LYST: variants seen among roughly 807,000 people sequenced by gnomAD.
LYST encodes lysosomal-trafficking regulator.
Under a neutral mutation model 413.6 loss-of-function variants are expected in LYST, and 192 were observed. The ratio of observed to expected loss-of-function variants is 0.46; its 90% CI spans 0.41 to 0.52. The LOEUF (loss-of-function observed/expected upper bound fraction) is 0.52. LYST is among the 20% of genes least tolerant of loss of function. LYST has a pLI of 0.00. For synonymous variants in LYST, 1,525 were observed against 1,567.3 expected, an observed-to-expected ratio of 0.97 and a Z score of 0.64; for missense variants, 3,815 against 4,499.9, an observed-to-expected ratio of 0.85 and a Z score of 4.35.
At chr1:235,681,540 C>A (rs1434060897) in intron 48 of LYST, among the ~76,000 whole-genome samples, 2 of 152,134 alleles carry the variant, frequency 1.3e-5, no homozygotes, top group African/African-American at 4.8e-5. Context: ...GGACATGAGA[C>A]TGGTGGCCAG....
At chr1:235,864,557 T>A (rs537988667) in intron 1 of LYST, among the ~76,000 whole-genome samples, 2 of 152,304 alleles carry the variant, frequency 1.3e-5, no homozygotes, top group Admixed American at 6.5e-5. Context: ...CGGATTGGTA[T>A]CCCAGCTTCT....
At chr1:235,676,974 CA>C in intron 50 of LYST, 116 bp downstream of exon 50, 2 of 767,638 alleles carry the variant, frequency 2.6e-6, no homozygotes, top group Non-Finnish European at 4.8e-6. Context: ...ATGCTGTTAC[CA>C]AAGTATTTAG....
chr1:235,799,089 T>C (rs143063208), intron 10 of LYST, among the ~76,000 whole-genome samples: 3 of 152,172 alleles, frequency 2.0e-5, no homozygotes, highest in Non-Finnish European at 4.4e-5. Flanking sequence ...AAGGGTTCAC[T>C]AAGTGTCTAG....
intron 1 of LYST, among the ~76,000 whole-genome samples, chr1:235,862,848 C>CACA (rs36022107): frequency 2.0e-5 from 3 of 146,392 alleles, no homozygotes; most frequent in Non-Finnish European, 4.5e-5. Flanking sequence ...CACACACACA[C>CACA]CCCTTCAAGA....
intron 10 of LYST, 31 bp downstream of exon 10, chr1:235,800,289 A>G: frequency 7.5e-7 from 1 of 1,338,626 alleles, no homozygotes; most frequent in Non-Finnish European, 1.1e-6. Flanking sequence ...AAATAATTTC[A>G]GAGCTATTGT....
intron 52 of LYST, 106 bp from the exon 53 acceptor site, chr1:235,663,184 G>T: frequency 2.6e-6 from 2 of 779,378 alleles, no homozygotes; most frequent in Non-Finnish European, 2.2e-6. Context: ...CTTCAGTGGC[G>T]CAGAGAGACA....
At chr1:235,736,776 T>C (rs1664857467) in intron 31 of LYST, 1 of 152,120 alleles carries the variant, frequency 6.6e-6, no homozygotes, top group Non-Finnish European at 1.5e-5. Context: ...TTTCTTTGTG[T>C]TATGAAGTAG....
intron 20 of LYST, among the ~76,000 whole-genome samples, chr1:235,766,924 T>A (rs1443921559): frequency 1.3e-5 from 2 of 152,108 alleles, no homozygotes; most frequent in African/African-American, 4.8e-5. Context: ...AAGCTTTTTT[T>A]CACAACAGCT....
chr1:235,807,940 T>G (rs970174390), intron 5 of LYST, among the ~76,000 whole-genome samples: 3 of 152,168 alleles, frequency 2.0e-5, no homozygotes, highest in Admixed American at 6.5e-5. Flanking sequence ...TAGTTGTAAA[T>G]AAGTGAACAC....
chr1:235,878,262 T>C (rs1231672255), intron 1 of LYST, among the ~76,000 whole-genome samples: 3 of 152,156 alleles, frequency 2.0e-5, no homozygotes, highest in Non-Finnish European at 4.4e-5. Flanking sequence ...TCTTGGCAAG[T>C]TGCATTCCCA....
chr1:235,709,342 C>A, intron 43 of LYST, 34 bp from the exon 44 acceptor site: 1 of 1,504,622 alleles, frequency 6.6e-7, no homozygotes, highest in South Asian at 1.2e-5. Context: ...TATTTAACTC[C>A]CCCACAGCAA....
chr1:235,710,800 G>A (rs1018870258), intron 43 of LYST, among the ~76,000 whole-genome samples: 3 of 152,144 alleles, frequency 2.0e-5, no homozygotes, highest in African/African-American at 7.2e-5. Flanking sequence ...GCCTCTGTTC[G>A]TCTCCCTCTT....
At chr1:235,758,095 T>A (rs982803319) in intron 23 of LYST, among the ~76,000 whole-genome samples, 2 of 152,182 alleles carry the variant, frequency 1.3e-5, no homozygotes, top group Admixed American at 1.3e-4. Context: ...CAGGTGAAAC[T>A]TCTGGAAGCT....
intron 46 of LYST, 94 bp from the exon 47 acceptor site, chr1:235,693,580 T>C: frequency 7.6e-7 from 1 of 1,313,392 alleles, no homozygotes; most frequent in Non-Finnish European, 1.1e-6. Flanking sequence ...GAAGTTTACA[T>C]AGCAGAACAT....
intron 3 of LYST, chr1:235,828,716 T>G (rs1558309392): frequency 5.6e-6 from 5 of 894,096 alleles, no homozygotes; most frequent in Non-Finnish European, 6.7e-6. Context: ...GACAAAGCAT[T>G]GAATTTTTTT....
Position 235,806,399 on chromosome 1 carries a change from C to T in LYST, c.2737G>A (p.Ala913Thr), listed in dbSNP as rs541267049. The change falls in exon 6 of 53, where the codon GCA (alanine) becomes ACA (threonine). Residue 913 changes from alanine to threonine, a missense_variant. Physicochemically the swap from Ala to Thr is moderately conservative, Grantham distance 58. Transcript: ENST00000389793. ...CVAFLCVSKE[A>T]ESDRESANDS... ...TTGGCCGACTCCCTGTCAGACTCTGCTTCTTTACTTACGCATAAAAAAGCC... is the reference window on the plus strand; with the variant it reads ...TTGGCCGACTCCCTGTCAGACTCTGTTTCTTTACTTACGCATAAAAAAGCC... 6.2e-7 allele frequency: 1 copy of T among 1,614,042 alleles called. No homozygotes were observed. Among genetic ancestry groups the T allele is most frequent in the Admixed American group, 1.7e-5 (1 of 59,982 alleles).
At chr1:235,733,808 T>C (rs757404646) in intron 33 of LYST, 22 bp downstream of exon 33, 3 of 1,557,308 alleles carry the variant, frequency 1.9e-6, no homozygotes, top group Admixed American at 1.7e-5. Flanking sequence ...AATACATGCC[T>C]TTGGAACATA....
chr1:235,738,279 A>G (rs1664995097), intron 31 of LYST: 2 of 1,611,612 alleles, frequency 1.2e-6, no homozygotes, highest in African/African-American at 2.7e-5. Flanking sequence ...GCTGGTCACT[A>G]TCACGGCTGA....
At chr1:235,715,141 G>A in intron 42 of LYST, 60 bp downstream of exon 42, 1 of 1,275,040 alleles carries the variant, frequency 7.8e-7, no homozygotes, top group South Asian at 1.2e-5. Context: ...AGTTGTTGTT[G>A]TTGTTGTTGT....
Sources: allele counts gnomAD v4.1 joint callset (sites outside exome capture counted in the v4.1 genomes callset), GRCh38; gene constraint gnomAD v4.1.1; transcripts MANE v1.5; gene names NCBI Gene and HGNC (gene_info 2026-07-23, HGNC 2026-07-21).